The following ERBB4 variants were observed in gnomAD, a reference collection of about 807,000 sequenced individuals.
The protein encoded by ERBB4 is receptor tyrosine-protein kinase erbB-4.
A neutral mutation model predicts 158.0 loss-of-function variants in ERBB4; 42 were observed. The ratio of observed to expected loss-of-function variants is 0.27; its 90% CI spans 0.21 to 0.34. The LOEUF is 0.34. ERBB4 is among the 10% of genes least tolerant of loss of function. The pLI, the probability that ERBB4 is intolerant of heterozygous loss-of-function variation, is 1.00. For missense variants in ERBB4, 1,333 were observed against 1,624.1 expected, an observed-to-expected ratio of 0.82 and a Z score of 3.08; for synonymous variants, 583 against 558.7, an observed-to-expected ratio of 1.04 and a Z score of -0.61.
chr2:212,090,035 C>T (rs2078726567), intron 2 of ERBB4, among the ~76,000 whole-genome samples: 1 of 152,106 alleles, frequency 6.6e-6, no homozygotes. Flanking sequence ...TCAGCCTCTG[C>T]CTTTCCTGGT....
chr2:211,698,225 T>C (rs968016097), intron 12 of ERBB4, among the ~76,000 whole-genome samples: 1 of 151,538 alleles, frequency 6.6e-6, no homozygotes, highest in Non-Finnish European at 1.5e-5. Flanking sequence ...GGCAGGAGAA[T>C]TGCTTGAACC....
intron 19 of ERBB4, among the ~76,000 whole-genome samples, chr2:211,613,440 G>A (rs909904330): frequency 1.4e-5 from 2 of 143,006 alleles, no homozygotes; most frequent in Admixed American, 6.7e-5. Flanking sequence ...AATTTCAAAT[G>A]TGAGGCTCCT....
intron 25 of ERBB4, among the ~76,000 whole-genome samples, chr2:211,392,792 C>T (rs1467754917): frequency 3.3e-5 from 5 of 151,998 alleles, no homozygotes; most frequent in East Asian, 1.9e-4. Flanking sequence ...CTCAGCCTCC[C>T]GAGTAGCTGG....
In ERBB4 at chr2:211,375,925, A is replaced by G; in HGVS notation, c.*7690T>C. ...GCCAAAAGAGGATCCTTGAGAACTA[A>G]CGGAAAAGCCTAATTACATAAATGT... On this transcript the variant is annotated 3_prime_UTR_variant, in exon 28 of 28. Coordinates refer to ENST00000342788, the MANE Select transcript of ERBB4 (RefSeq NM_005235.3). 4.3e-6 allele frequency: 1 copy of G among 232,898 alleles called. No homozygotes were observed. Among genetic ancestry groups the G allele is most frequent in the Non-Finnish European group, 8.5e-6 (1 of 117,574 alleles). The allele number at this position is 232,898 out of a possible 1,614,324, so 14.4% of individuals were successfully genotyped here. A position where few individuals can be genotyped will look rare whatever the true frequency, so the allele number is the denominator to read the frequency against.
chr2:211,671,433 T>C (rs2071834673), intron 14 of ERBB4, among the ~76,000 whole-genome samples: 1 of 149,330 alleles, frequency 6.7e-6, no homozygotes. Flanking sequence ...GGAAATTACA[T>C]GTGTGAAGAA....
chr2:212,197,317 A>T (rs2082456895), intron 1 of ERBB4, among the ~76,000 whole-genome samples: 1 of 152,208 alleles, frequency 6.6e-6, no homozygotes. Context: ...AAGTCAGCTT[A>T]GGTCAGGATT....
chr2:211,840,288 C>A (rs2077442211), intron 3 of ERBB4, among the ~76,000 whole-genome samples: 1 of 151,928 alleles, frequency 6.6e-6, no homozygotes, highest in East Asian at 1.9e-4. Context: ...TGACTTTGCT[C>A]CTCCTTTGCC....
At chr2:212,286,523 T>A (rs1428980044) in intron 1 of ERBB4, among the ~76,000 whole-genome samples, 1 of 151,438 alleles carries the variant, frequency 6.6e-6, no homozygotes. Flanking sequence ...AGCCTCAGTT[T>A]TCTCTTTTAC....
intron 4 of ERBB4, among the ~76,000 whole-genome samples, chr2:211,786,322 C>T (rs1271189986): frequency 6.6e-6 from 1 of 152,060 alleles, no homozygotes; most frequent in Non-Finnish European, 1.5e-5. Flanking sequence ...AAAAAACAGT[C>T]AATTCATTAT....
rs1327659543 is a variant in ERBB4, at chr2:211,442,590, GTAGA to G, written c.2488-11494_2488-11491del. On this transcript the variant is annotated intron_variant, in intron 20 of 27. Coordinates refer to ENST00000342788, the MANE Select transcript of ERBB4 (RefSeq NM_005235.3). ...CAATGCTAACAGTTTCATGTAGAGA[GTAGA>G]TAAAGCACAAAGCCAAAATATATAT... Among the ~76,000 whole-genome samples the G allele has an allele frequency of 2.0e-5, 3 of 151,986 alleles. 1 individual carries two copies.
intron 19 of ERBB4, among the ~76,000 whole-genome samples, chr2:211,607,572 C>T (rs906057668): frequency 6.6e-6 from 1 of 152,152 alleles, no homozygotes; most frequent in Admixed American, 6.5e-5. Context: ...ATTGCTTATT[C>T]GTCTGTGACG....
At chr2:212,475,556 T>C (rs1689344209) in intron 1 of ERBB4, among the ~76,000 whole-genome samples, 2 of 152,204 alleles carry the variant, frequency 1.3e-5, no homozygotes, top group Admixed American at 1.3e-4. Flanking sequence ...AGCACTCACA[T>C]AATAATTCTA....
At chr2:212,334,324 A>G (rs1304401525) in intron 1 of ERBB4, among the ~76,000 whole-genome samples, 2 of 151,988 alleles carry the variant, frequency 1.3e-5, no homozygotes, top group African/African-American at 4.8e-5. Context: ...CTAAACTGTA[A>G]TCTCTATAGC....
rs1490262864 is a variant in ERBB4 at position 211,382,527 on chromosome 2, T to C, written c.*1088A>G. 1 of 232,816 alleles carries C rather than the reference T, an allele frequency of 4.3e-6. No individual in the cohort carries two copies. The highest frequency in any genetic ancestry group is 5.6e-5 in the Admixed American group (1 of 17,752). 14.4% of individuals were successfully genotyped at this position (232,816 alleles called of 1,614,324 possible). A position where few individuals can be genotyped will look rare whatever the true frequency, so the allele number is the denominator to read the frequency against. Reference sequence around the variant, plus strand: ...AAAAAGAACAAATAAAATTACAGCTTAAGTGCAAACTACATTTCTGAGTAT... The same window carrying C: ...AAAAAGAACAAATAAAATTACAGCTCAAGTGCAAACTACATTTCTGAGTAT... On this transcript the variant is annotated 3_prime_UTR_variant, in exon 28 of 28. Coordinates refer to ENST00000342788, the MANE Select transcript of ERBB4 (RefSeq NM_005235.3).
chr2:211,982,473 T>C (rs1209732995), intron 2 of ERBB4, among the ~76,000 whole-genome samples: 1 of 152,144 alleles, frequency 6.6e-6, no homozygotes, highest in East Asian at 1.9e-4. Flanking sequence ...AAAAAAATGT[T>C]TGGGAGTCAA....
intron 1 of ERBB4, among the ~76,000 whole-genome samples, chr2:212,211,614 ATC>A (rs2082935912): frequency 1.4e-5 from 2 of 142,288 alleles, no homozygotes; most frequent in Non-Finnish European, 1.6e-5. Flanking sequence ...TAAAAAATTT[ATC>A]TAAAAAAAAA....
chr2:211,476,908 T>C (rs2064967669), intron 20 of ERBB4, among the ~76,000 whole-genome samples: 2 of 152,026 alleles, frequency 1.3e-5, no homozygotes, highest in Non-Finnish European at 2.9e-5. Flanking sequence ...CTTCAACAAA[T>C]AAATTGCAAA....
chr2:212,522,810 C>T (rs1178353042), intron 1 of ERBB4, among the ~76,000 whole-genome samples: 1 of 151,952 alleles, frequency 6.6e-6, no homozygotes, highest in African/African-American at 2.4e-5. Flanking sequence ...GTCTCATTTT[C>T]TTTATCTATG....
intron 20 of ERBB4, among the ~76,000 whole-genome samples, chr2:211,508,425 G>C (rs2065803322): frequency 6.6e-6 from 1 of 152,174 alleles, no homozygotes; most frequent in African/African-American, 2.4e-5. Flanking sequence ...ACTGCAATGA[G>C]ATACCATCTC....
Sources: allele counts gnomAD v4.1 joint callset (sites outside exome capture counted in the v4.1 genomes callset), GRCh38; gene constraint gnomAD v4.1.1; transcripts MANE v1.5; gene names NCBI Gene and HGNC (gene_info 2026-07-23, HGNC 2026-07-21).